The following UBAP2L variants were observed in gnomAD, a reference collection of about 807,000 sequenced individuals.
UBAP2L encodes ubiquitin associated protein 2 like, also known as ubiquitin-associated protein 2-like.
UBAP2L carries 12 observed loss-of-function variants against 130.6 expected under a neutral mutation model. That is an observed-to-expected ratio of 0.09 (90% confidence interval 0.06 to 0.15). The LOEUF (loss-of-function observed/expected upper bound fraction) is 0.15. Ranked by LOEUF, UBAP2L falls within the 10% of genes least tolerant of loss-of-function variation. The pLI is 1.00. For synonymous variants in UBAP2L, 503 were observed against 524.7 expected, an observed-to-expected ratio of 0.96 and a Z score of 0.57; for missense variants, 965 against 1,332.5, an observed-to-expected ratio of 0.72 and a Z score of 4.29.
chr1:154,270,858 C>A, downstream of UBAP2L: 2 of 1,536,092 alleles, frequency 1.3e-6, no homozygotes, highest in Non-Finnish European at 1.8e-6. Context: ...CCTTCAGCCT[C>A]TGCCTATTCT....
chr1:154,242,280 CT>C (rs1673837822), intron 9 of UBAP2L, among the ~76,000 whole-genome samples: 1 of 152,130 alleles, frequency 6.6e-6, no homozygotes. Context: ...AATCTATGTA[CT>C]TTTCTATACT....
At chr1:154,266,398 T>TG (rs1683244812) in intron 24 of UBAP2L, 103 bp from the exon 25 acceptor site, 1 of 1,253,732 alleles carries the variant, frequency 8.0e-7, no homozygotes, top group Non-Finnish European at 1.2e-6. Context: ...AAAATTCCCT[T>TG]GCATTGGTAT....
intron 14 of UBAP2L, among the ~76,000 whole-genome samples, chr1:154,252,278 ATT>A (rs1186353284): frequency 1.3e-3 from 140 of 108,910 alleles, no homozygotes; most frequent in Admixed American, 2.9e-3. Flanking sequence ...CCCAGCCCAG[ATT>A]TTTTTTTTTT....
chr1:154,220,578 G>A (rs1665548209), upstream of UBAP2L: 1 of 658,948 alleles, frequency 1.5e-6, no homozygotes, highest in Non-Finnish European at 2.7e-6. Context: ...AGGCAGGAGA[G>A]CTGGGAAAGG....
chr1:154,237,893 C>T (rs995537532), intron 8 of UBAP2L, among the ~76,000 whole-genome samples: 1 of 152,182 alleles, frequency 6.6e-6, no homozygotes, highest in Non-Finnish European at 1.5e-5. Flanking sequence ...ATACGTGTGC[C>T]ACTTTCAATA....
rs1684523009 is a variant in UBAP2L, at chr1:154,270,518, C to T, written c.*223C>T. 1 of 1,447,146 alleles carries T rather than the reference C, an allele frequency of 6.9e-7. No homozygotes were observed. The highest frequency in any genetic ancestry group is 9.1e-7 in the Non-Finnish European group (1 of 1,104,420). 89.6% of individuals were successfully genotyped at this position (1,447,146 alleles called of 1,614,324 possible). On this transcript the variant is annotated 3_prime_UTR_variant, in exon 27 of 27. Transcript: ENST00000428931. ...ATTTTCTCCTTTTTTTTCCCCCTTC[C>T]ATTCCTTCTCCCCTCTTGCATTCAA... is the stretch of plus-strand genomic sequence containing the variant.
intron 1 of UBAP2L, among the ~76,000 whole-genome samples, chr1:154,221,771 G>T (rs1041946976): frequency 3.3e-5 from 5 of 152,154 alleles, no homozygotes; most frequent in Admixed American, 3.3e-4. Context: ...TGTTTTTGCT[G>T]CTGTCTTTAG....
At chr1:154,220,668 G>T (rs867515623), upstream of UBAP2L, 3 of 553,038 alleles carry the variant, frequency 5.4e-6, no homozygotes, top group Non-Finnish European at 9.8e-6. Flanking sequence ...GCTCAGACGC[G>T]GAACTACGAC....
At chr1:154,253,480 G>C (rs1326740010) in intron 14 of UBAP2L, among the ~76,000 whole-genome samples, 1 of 150,858 alleles carries the variant, frequency 6.6e-6, no homozygotes, top group Non-Finnish European at 1.5e-5. Flanking sequence ...CGCCTCCCGG[G>C]TTCATGCCAG....
intron 21 of UBAP2L, 92 bp from the exon 22 acceptor site, chr1:154,259,856 C>A: frequency 7.5e-7 from 1 of 1,336,128 alleles, no homozygotes; most frequent in South Asian, 1.2e-5. Flanking sequence ...GCACAACTCT[C>A]ACATTCTTCT....
intron 14 of UBAP2L, 122 bp downstream of exon 14, chr1:154,251,775 C>T (rs903195140): frequency 4.6e-6 from 5 of 1,084,308 alleles, no homozygotes; most frequent in Non-Finnish European, 6.6e-6. Flanking sequence ...GGAAAGTAGT[C>T]AGTCATAGCA....
At chr1:154,220,316 G>A (rs1280941190), upstream of UBAP2L, 4 of 1,613,712 alleles carry the variant, frequency 2.5e-6, no homozygotes, top group Non-Finnish European at 2.5e-6. Flanking sequence ...TGCGACAGCA[G>A]GAATGGGGTG....
intron 22 of UBAP2L, 27 bp downstream of exon 22, chr1:154,260,056 T>G: frequency 6.2e-7 from 1 of 1,606,970 alleles, no homozygotes; most frequent in African/African-American, 1.3e-5. Context: ...ACTAAATAAA[T>G]AAAAAGGGAG....
intron 8 of UBAP2L, 61 bp from the exon 9 acceptor site, chr1:154,241,452 A>T: frequency 6.5e-7 from 1 of 1,547,748 alleles, no homozygotes; most frequent in Non-Finnish European, 8.9e-7. Flanking sequence ...GATGTTTTCT[A>T]TACATGCTTT....
chr1:154,239,755 TTG>T (rs752520100), intron 8 of UBAP2L, among the ~76,000 whole-genome samples: 30 of 152,188 alleles, frequency 2.0e-4, no homozygotes, highest in Non-Finnish European at 3.7e-4. Context: ...AACTCTAGGA[TTG>T]TGTATAAGTG....
At chr1:154,220,228 A>T (rs1027686538), upstream of UBAP2L, 1 of 1,323,530 alleles carries the variant, frequency 7.6e-7, no homozygotes, top group Non-Finnish European at 1.1e-6. Flanking sequence ...AAGGAGTCAA[A>T]GCCCGGATAG....
chr1:154,259,172 TG>T lies in UBAP2L; in HGVS notation c.2496+147del, dbSNP rs879598134. On this transcript the variant is annotated intron_variant, in intron 21 of 26. Coordinates refer to ENST00000428931, the MANE Select transcript of UBAP2L (RefSeq NM_014847.4). ...TAAGGCATATTAGAATATAGGGATT[TG>T]GGGGAGGGTTTCCAACAGAAGATAA... The T allele has an allele frequency of 1.2e-3, 847 of 729,648 alleles. 18 individuals carry two copies. In the Admixed American group the frequency reaches 0.02, roughly 17 times the overall value. The allele number at this position is 729,648 out of a possible 1,614,324, so 45.2% of individuals were successfully genotyped here.
upstream of UBAP2L, chr1:154,220,402 C>A (rs1665492892): frequency 1.2e-6 from 2 of 1,614,122 alleles, no homozygotes; most frequent in Non-Finnish European, 8.5e-7. Context: ...TACTGCCGGA[C>A]GCCATGGCCT....
chr1:154,228,189 G>T (rs1256771362), intron 3 of UBAP2L, among the ~76,000 whole-genome samples: 67 of 145,554 alleles, frequency 4.6e-4, no homozygotes, highest in African/African-American at 1.6e-3. Flanking sequence ...TTTCTTTTTT[G>T]TTTTTTTTTT....
Sources: allele counts gnomAD v4.1 joint callset (sites outside exome capture counted in the v4.1 genomes callset), GRCh38; gene constraint gnomAD v4.1.1; transcripts MANE v1.5; gene names NCBI Gene and HGNC (gene_info 2026-07-23, HGNC 2026-07-21).